Variants in ASXL3 observed in about 807,000 individuals in gnomAD.
The protein encoded by ASXL3 is putative Polycomb group protein ASXL3.
In ASXL3, 34 loss-of-function variants were observed where a neutral mutation model predicts 170.6. The observed-to-expected ratio is 0.20, with a 90% CI of 0.15 to 0.27. ASXL3 has a LOEUF of 0.27. ASXL3 is among the 10% of genes least tolerant of loss of function. The pLI is 1.00. For missense variants in ASXL3, 2,592 were observed against 2,695.3 expected, an observed-to-expected ratio of 0.96 and a Z score of 0.85; for synonymous variants, 1,002 against 989.1, an observed-to-expected ratio of 1.01 and a Z score of -0.24.
chr18:33,679,186 G>T (rs984954770), intron 7 of ASXL3, among the ~76,000 whole-genome samples: 1 of 152,014 alleles, frequency 6.6e-6, no homozygotes, highest in African/African-American at 2.4e-5. Context: ...CATATAATAA[G>T]AATTAAGCAA....
intron 5 of ASXL3, among the ~76,000 whole-genome samples, chr18:33,664,467 C>G (rs1452677581): frequency 6.6e-6 from 1 of 152,146 alleles, no homozygotes; most frequent in African/African-American, 2.4e-5. Flanking sequence ...ACTGATAACA[C>G]ACACTCAAAT....
chr18:33,591,638 CTTTTTTT>C (rs370020953), intron 1 of ASXL3, among the ~76,000 whole-genome samples: 1 of 141,374 alleles, frequency 7.1e-6, no homozygotes. Flanking sequence ...AATGACACTA[CTTTTTTT>C]TTTTTTTTCT....
At position 33,724,572 on chromosome 18, in the gene ASXL3, A is replaced by G. The variant is rs551930859; in HGVS notation, c.880-7396A>G. On this transcript the variant is annotated intron_variant, in intron 8 of 11. Coordinates refer to ENST00000269197, the MANE Select transcript of ASXL3 (RefSeq NM_030632.3). ...AACTATTCTGGGGAATAGTTGTTCT[A>G]TGAGATACTGATGGTTGTTCTGTGA... is the stretch of plus-strand genomic sequence containing the variant. 6.6e-5 allele frequency among the ~76,000 whole-genome samples: 10 copies of G among 152,232 alleles called. No individual in the cohort carries two copies. The East Asian group carries it at 9.7e-4, about 15-fold the overall frequency.
intron 4 of ASXL3, among the ~76,000 whole-genome samples, chr18:33,655,405 A>G (rs1026535900): frequency 6.6e-6 from 1 of 151,564 alleles, no homozygotes; most frequent in Non-Finnish European, 1.5e-5. Context: ...TAATTTTTAG[A>G]CTCCATGTCC....
rs551629794 is a variant in ASXL3 at position 33,608,510 on chromosome 18, G to A, written c.137+834G>A. Among the ~76,000 whole-genome samples the A allele has an allele frequency of 3.9e-5, 6 of 151,950 alleles. No homozygotes were observed. In the South Asian group the frequency reaches 6.2e-4, roughly 16 times the overall value. On this transcript the variant is annotated intron_variant, in intron 2 of 11. Transcript: ENST00000269197. The stretch of plus-strand genomic sequence containing the variant: ...TTTCACTGATGATTCTTTATTCTTG[G>A]GTATTAATTTTATGGTTTTGGCTTT...
At chr18:33,671,591 C>T (rs1568318023) in intron 6 of ASXL3, among the ~76,000 whole-genome samples, 156 bp from the exon 7 acceptor site, 1 of 152,154 alleles carries the variant, frequency 6.6e-6, no homozygotes, top group African/African-American at 2.4e-5. Context: ...TTGGGCTTCT[C>T]TTTTTATATC....
chr18:33,659,411 A>G (rs1941701), intron 4 of ASXL3, among the ~76,000 whole-genome samples: 94,812 of 151,882 alleles, frequency 0.62, 30,345 homozygotes, highest in East Asian at 0.89. Context: ...AATTTTCTAG[A>G]TGTAAATGCC....
intron 1 of ASXL3, among the ~76,000 whole-genome samples, chr18:33,590,394 C>G (rs1249889630): frequency 6.6e-6 from 1 of 151,898 alleles, no homozygotes; most frequent in Admixed American, 6.6e-5. Flanking sequence ...TCAGGTATCA[C>G]GATTGATTGC....
Position 33,651,177 on chromosome 18 carries a change from G to C in ASXL3, c.355+4824G>C, listed in dbSNP as rs899702432. Among the ~76,000 whole-genome samples the C allele has an allele frequency of 1.1e-4, 16 of 152,056 alleles. 1 individual carries two copies. The highest frequency in any genetic ancestry group is 7.2e-4 in the Admixed American group (11 of 15,266). On this transcript the variant is annotated intron_variant, in intron 4 of 11. Transcript: ENST00000269197. ...ATCCTAAACTTAAGACTTTGACAAA[G>C]AGGAACCCTTGGCTTATCCCAATAA...
Position 33,745,996 on chromosome 18 carries a change from G to A in ASXL3, c.6148G>A (p.Val2050Ile). 3.8e-6 allele frequency: 6 copies of A among 1,566,272 alleles called. No individual in the cohort carries two copies. The highest frequency in any genetic ancestry group is 4.3e-6 in the Non-Finnish European group (5 of 1,151,298). Reference protein sequence around the residue: ...PLPPPLPNAEVPSDQKQPPVT... With the variant: ...PLPPPLPNAEIPSDQKQPPVT... ...ACCTCCACCTCTCCCTAATGCAGAAGTCCCATCTGATCAAAAACAACCTCC... is the reference window on the plus strand; with the variant it reads ...ACCTCCACCTCTCCCTAATGCAGAAATCCCATCTGATCAAAAACAACCTCC... The change falls in exon 12 of 12, where the codon GTC (valine) becomes ATC (isoleucine). Residue 2050 changes from valine to isoleucine, a missense_variant. Val to Ile is a conservative substitution (Grantham distance 29). This residue lies in a region of ASXL3 where 2,246 missense variants were observed against 2,219.6 expected (regional missense o/e 1.01). Transcript: ENST00000269197.
At chr18:33,673,619 G>C (rs1420377500) in intron 7 of ASXL3, among the ~76,000 whole-genome samples, 1 of 152,104 alleles carries the variant, frequency 6.6e-6, no homozygotes, top group East Asian at 1.9e-4. Flanking sequence ...GCCTGCCTTT[G>C]CCTCCCAAAG....
intron 8 of ASXL3, among the ~76,000 whole-genome samples, chr18:33,703,343 T>C (rs1230805370): frequency 1.3e-5 from 2 of 152,122 alleles, no homozygotes; most frequent in Non-Finnish European, 2.9e-5. Context: ...AGAAGTAACA[T>C]TTTTGCTTTA....
chr18:33,677,026 ACTT>A (rs1483176930), intron 7 of ASXL3, among the ~76,000 whole-genome samples: 1 of 152,166 alleles, frequency 6.6e-6, no homozygotes, highest in Non-Finnish European at 1.5e-5. Flanking sequence ...TTTTAATTAT[ACTT>A]CTTCCTACCC....
chr18:33,581,652 C>G (rs8095498), intron 1 of ASXL3, among the ~76,000 whole-genome samples: 9,759 of 152,160 alleles, frequency 0.064, 1,067 homozygotes, highest in African/African-American at 0.22. Context: ...CTAAGACTTT[C>G]CAGTTCACAA....
intron 7 of ASXL3, among the ~76,000 whole-genome samples, chr18:33,673,893 A>C (rs1248652206): frequency 2.0e-5 from 3 of 152,202 alleles, no homozygotes; most frequent in African/African-American, 7.2e-5. Flanking sequence ...GAGCGCCCCC[A>C]ATCTTTCAAA....
intron 2 of ASXL3, among the ~76,000 whole-genome samples, chr18:33,631,974 G>A (rs1045919879): frequency 1.3e-5 from 2 of 152,074 alleles, no homozygotes; most frequent in African/African-American, 4.8e-5. Flanking sequence ...AATTAGGCTG[G>A]AAGAAAGTTT....
chr18:33,629,831 A>G (rs979139985), intron 2 of ASXL3, among the ~76,000 whole-genome samples: 1 of 152,076 alleles, frequency 6.6e-6, no homozygotes, highest in Non-Finnish European at 1.5e-5. Context: ...GATTAGTAGC[A>G]TTGCTTGTGG....
intron 5 of ASXL3, among the ~76,000 whole-genome samples, chr18:33,663,488 G>T (rs1024971551): frequency 6.6e-6 from 1 of 152,092 alleles, no homozygotes; most frequent in Non-Finnish European, 1.5e-5. Flanking sequence ...AAAATTTTAA[G>T]TGATTTTTTT....
intron 2 of ASXL3, chr18:33,614,314 C>T (rs1239124148): frequency 1.3e-5 from 2 of 152,082 alleles, no homozygotes. Flanking sequence ...AAGAAACTAC[C>T]TTCATTACAT....
Sources: gnomAD v4.1 joint callset for allele counts (sites outside exome capture counted in the v4.1 genomes callset) on GRCh38, gnomAD v4.1.1 for gene constraint, gnomAD v4.1.1 regional missense constraint, MANE v1.5 for transcripts, NCBI Gene and HGNC (gene_info 2026-07-23, HGNC 2026-07-21) for gene names.